MFN2: variants seen among roughly 807,000 people sequenced by gnomAD.
MFN2 encodes mitofusin 2, also known as mitofusin-2.
MFN2 carries 43 observed loss-of-function variants against 87.5 expected under a neutral mutation model. That is an observed-to-expected ratio of 0.49 (90% confidence interval 0.38 to 0.63). The LOEUF is 0.63. MFN2 is among the 30% of genes least tolerant of loss of function. The pLI, the probability that MFN2 is intolerant of heterozygous loss-of-function variation, is 0.00. For missense variants in MFN2, 743 were observed against 972.8 expected (o/e 0.76, Z 3.14); for synonymous variants, 337 against 359.9 (o/e 0.94, Z 0.72).
chr1:11,987,699 A>C (rs1638481258), intron 2 of MFN2, among the ~76,000 whole-genome samples: 1 of 151,766 alleles, frequency 6.6e-6, no homozygotes, highest in Admixed American at 6.6e-5. Flanking sequence ...TTTAATCCCA[A>C]CACTTTGGGA....
intron 3 of MFN2, chr1:11,992,225 C>A (rs1638716368): frequency 5.9e-6 from 2 of 339,560 alleles, no homozygotes; most frequent in Non-Finnish European, 1.1e-5. Flanking sequence ...TCGTTTGATC[C>A]TCACGATGTT....
rs1639330742 is a variant in MFN2, at chr1:12,004,817, G to A, written c.1393-8G>A. The stretch of plus-strand genomic sequence containing the variant: ...ATGCTTCTCTTAACTTCCCTCTTCT[G>A]GTGGCAGGAGCTGCACCGCCACATA... On this transcript the variant is annotated splice_region_variant and splice_polypyrimidine_tract_variant and intron_variant, in intron 13 of 18. Coordinates refer to ENST00000235329, the MANE Select transcript of MFN2 (RefSeq NM_014874.4). This position sits in a 1 kb window ranked among gnomAD's most constrained non-coding sequence, Gnocchi z 4.2. 1.9e-6 allele frequency: 3 copies of A among 1,612,422 alleles called. No homozygotes were observed. Among genetic ancestry groups the A allele is most frequent in the Non-Finnish European group, 2.5e-6 (3 of 1,178,680 alleles).
At chr1:11,996,030 G>A in intron 4 of MFN2, 126 bp from the exon 5 acceptor site, 7 of 1,197,786 alleles carry the variant, frequency 5.8e-6, no homozygotes, top group Non-Finnish European at 7.4e-6. Context: ...TTGTCTCTCA[G>A]CACTGTCTGG....
rs1405235272 is a variant in MFN2 at position 12,005,929 on chromosome 1, C to G, written c.1714C>G (p.Gln572Glu). 4 of 1,613,160 alleles carry G rather than the reference C, an allele frequency of 2.5e-6. No individual in the cohort carries two copies. The highest frequency in any genetic ancestry group is 3.4e-6 in the Non-Finnish European group (4 of 1,179,958). ...SRRALMGYND[Q>E]VQRPIPLTPA... ...TCGGGCCTTGATGGGCTACAATGAC[C>G]AGGCAAGCAAAGTTCCTCACCTCAA... is the stretch of plus-strand genomic sequence containing the variant. Residue 572 changes from glutamine to glutamate, a missense_variant and splice_region_variant, in exon 15 of 19, where the codon CAG becomes GAG. This residue lies in a region of MFN2 where 571 missense variants were observed against 670.7 expected (regional missense o/e 0.85). Coordinates refer to ENST00000235329, the MANE Select transcript of MFN2 (RefSeq NM_014874.4).
intron 11 of MFN2, 40 bp downstream of exon 11, chr1:12,002,143 G>T: frequency 6.2e-7 from 1 of 1,613,832 alleles, no homozygotes; most frequent in Non-Finnish European, 8.5e-7. Flanking sequence ...GAGAGCTGCC[G>T]AGACAAGGGT....
chr1:12,007,348 T>C, intron 17 of MFN2, 99 bp downstream of exon 17: 1 of 1,446,350 alleles, frequency 6.9e-7, no homozygotes, highest in Non-Finnish European at 9.5e-7. Context: ...TGGAAGCCAC[T>C]GGGTCCTAAG....
At chr1:11,994,441 T>A (rs1252383102) in intron 4 of MFN2, among the ~76,000 whole-genome samples, 2 of 152,090 alleles carry the variant, frequency 1.3e-5, no homozygotes, top group South Asian at 2.1e-4. Context: ...ACAAAAAAAA[T>A]TAGCTGGGTG....
intron 17 of MFN2, among the ~76,000 whole-genome samples, chr1:12,008,687 G>A (rs374731288): frequency 6.6e-6 from 1 of 152,126 alleles, no homozygotes; most frequent in Non-Finnish European, 1.5e-5. Context: ...TCCTAGATGG[G>A]ATGGCGGCCG....
intron 2 of MFN2, chr1:11,982,528 C>G (rs1646005312): frequency 6.6e-6 from 1 of 152,292 alleles, no homozygotes; most frequent in Non-Finnish European, 1.5e-5. Context: ...TCCAGTTGTG[C>G]CAGCAGACGA....
At chr1:11,991,949 A>G (rs796709745) in intron 3 of MFN2, among the ~76,000 whole-genome samples, 50 of 144,930 alleles carry the variant, frequency 3.4e-4, no homozygotes, top group African/African-American at 1.2e-3. Context: ...AAAAAAAAAA[A>G]AAAGAAGTGA....
chr1:12,001,648 G>C, intron 9 of MFN2, 94 bp downstream of exon 9: 1 of 1,603,006 alleles, frequency 6.2e-7, no homozygotes, highest in Non-Finnish European at 8.5e-7. Flanking sequence ...CTTCTGAGAA[G>C]GGGATGCTGA....
At chr1:11,998,925 A>C (rs1355066664) in intron 7 of MFN2, 47 bp downstream of exon 7, 2 of 1,610,780 alleles carry the variant, frequency 1.2e-6, no homozygotes, top group South Asian at 1.1e-5. Context: ...CCCCCTGGGC[A>C]GGCAGCTGAT....
Position 12,001,627 on chromosome 1 carries a change from A to C in MFN2, c.970+73A>C. The C allele has an allele frequency of 7.5e-6, 12 of 1,610,330 alleles. No homozygotes were observed. In the South Asian group the frequency reaches 1.3e-4, roughly 18 times the overall value. On this transcript the variant is annotated intron_variant, in intron 9 of 18. Transcript: ENST00000235329. ...TTTGTCTCGTGCTGAGGAGTCTGTCAGTAGAAAATCCTTCTGAGAAGGGGA... is the reference window on the plus strand; with the variant it reads ...TTTGTCTCGTGCTGAGGAGTCTGTCCGTAGAAAATCCTTCTGAGAAGGGGA...
chr1:12,001,394 G>C lies in MFN2; in HGVS notation c.817-7G>C. On this transcript the variant is annotated splice_polypyrimidine_tract_variant and splice_region_variant and intron_variant, in intron 8 of 18. Transcript: ENST00000235329. ...ACTCACTCTGGACACATTTGTTTGG[G>C]CTCCAGGTGCGGCGGCAGCACATGG... The C allele has an allele frequency of 1.2e-6, 2 of 1,613,168 alleles. No individual in the cohort carries two copies. Among genetic ancestry groups the C allele is most frequent in the Non-Finnish European group, 1.7e-6 (2 of 1,179,826 alleles).
rs565905011 is a variant in MFN2 at position 12,009,065 on chromosome 1, C to T, written c.2070-527C>T. Among the ~76,000 whole-genome samples, 200 of 152,314 alleles carry T rather than the reference C, an allele frequency of 1.3e-3. 1 individual carries two copies. Among genetic ancestry groups the T allele is most frequent in the African/African-American group, 3.2e-3 (132 of 41,572 alleles). On this transcript the variant is annotated intron_variant, in intron 17 of 18. Coordinates refer to ENST00000235329, the MANE Select transcript of MFN2 (RefSeq NM_014874.4). ...AAATACGAAAACCAGTCAGGCGTGG[C>T]GGCGCGCGCCTGCAGTCGCAGGCAC...
intron 8 of MFN2, among the ~76,000 whole-genome samples, chr1:12,000,232 A>G (rs1330959066): frequency 3.3e-5 from 5 of 151,722 alleles, no homozygotes; most frequent in Non-Finnish European, 7.4e-5. Context: ...TGCTCTTGTC[A>G]CCCAGGCTGG....
At chr1:11,986,917 C>T (rs1175181793) in intron 2 of MFN2, among the ~76,000 whole-genome samples, 1 of 152,062 alleles carries the variant, frequency 6.6e-6, no homozygotes, top group Admixed American at 6.6e-5. Flanking sequence ...ACTTTGGAGT[C>T]AAGTCTCATG....
chr1:12,006,933 C>CA (rs1233678945), intron 16 of MFN2, 120 bp from the exon 17 acceptor site: 3 of 1,371,974 alleles, frequency 2.2e-6, no homozygotes, highest in Admixed American at 1.7e-5. Context: ...AAGAGGAACT[C>CA]AGAGTAGAAA....
chr1:12,009,226 A>C (rs1024446536), intron 17 of MFN2, among the ~76,000 whole-genome samples: 6 of 151,136 alleles, frequency 4.0e-5, no homozygotes, highest in Non-Finnish European at 5.9e-5. Context: ...GGAGAGGGAG[A>C]GGGAGCGGGA....
Sources: gnomAD v4.1 joint callset for allele counts (sites outside exome capture counted in the v4.1 genomes callset) on GRCh38, gnomAD v4.1.1 for gene constraint, gnomAD v4.1.1 regional missense constraint, Gnocchi (gnomAD v3.1) non-coding constraint, MANE v1.5 for transcripts, NCBI Gene and HGNC (gene_info 2026-07-23, HGNC 2026-07-21) for gene names.